Variants in CNDP1 observed in about 807,000 individuals in gnomAD.
The protein encoded by CNDP1 is beta-Ala-His dipeptidase.
Under a neutral mutation model 58.1 loss-of-function variants are expected in CNDP1, and 44 were observed. The observed-to-expected ratio is 0.76, with a 90% CI of 0.60 to 0.97. CNDP1 has a LOEUF of 0.97. CNDP1 is among the 50% of genes least tolerant of loss of function. CNDP1 has a pLI of 0.00. For synonymous variants in CNDP1, 254 were observed against 252.6 expected (o/e 1.01, Z -0.05); for missense variants, 616 against 655.1 (o/e 0.94, Z 0.65).
chr18:74,567,026 G>C, intron 5 of CNDP1: 3 of 571,692 alleles, frequency 5.2e-6, no homozygotes, highest in Non-Finnish European at 6.2e-6. Flanking sequence ...GCAAACCCCT[G>C]ATAAACCCAT....
chr18:74,572,126 G>A (rs1338756534), intron 7 of CNDP1, among the ~76,000 whole-genome samples: 3 of 152,074 alleles, frequency 2.0e-5, no homozygotes, highest in Non-Finnish European at 2.9e-5. Context: ...CTGTGGCCCC[G>A]AGTGGCACAG....
At chr18:74,556,639 G>A (rs1042335189) in intron 2 of CNDP1, among the ~76,000 whole-genome samples, 173 bp downstream of exon 2, 18 of 152,134 alleles carry the variant, frequency 1.2e-4, no homozygotes, top group African/African-American at 2.2e-4. Flanking sequence ...ACAGATGGAC[G>A]AGATCCCTCC....
In CNDP1 at chr18:74,585,111, C is replaced by T. The variant is rs538001917; in HGVS notation, c.*549C>T. On this transcript the variant is annotated 3_prime_UTR_variant, in exon 12 of 12. Transcript: ENST00000358821. ...TTGCCTCCCCTTCATTTATTTTTTC[C>T]CACTTCTTGAAAAGTTCCGAAGCTG... 2 of 152,458 alleles carry T rather than the reference C, an allele frequency of 1.3e-5. No homozygotes were observed. The highest frequency in any genetic ancestry group is 6.5e-5 in the Admixed American group (1 of 15,314). 9.4% of individuals were successfully genotyped at this position (152,458 alleles called of 1,614,324 possible).
At chr18:74,583,861 T>G (rs757791635) in intron 11 of CNDP1, 153 bp downstream of exon 11, 235 of 758,774 alleles carry the variant, frequency 3.1e-4, no homozygotes, top group Non-Finnish European at 2.9e-4. Context: ...CTCACAGTTC[T>G]GGAGCCTGGA....
At chr18:74,561,701 A>C in intron 4 of CNDP1, 1 of 211,446 alleles carries the variant, frequency 4.7e-6, no homozygotes, top group Non-Finnish European at 9.8e-6. Context: ...ATGAGAGGCT[A>C]TGCCACGTGG....
At position 74,578,970 on chromosome 18, in the gene CNDP1, A is replaced by G. The variant is rs1981704752; in HGVS notation, c.1167+643A>G. ...TAGTTTAACAGAAAGTAGACTCTTG[A>G]ATGAATGAGCTAAAGAAATATTTCA... On this transcript the variant is annotated intron_variant, in intron 9 of 11. Transcript: ENST00000358821. Among the ~76,000 whole-genome samples the G allele has an allele frequency of 2.6e-5, 4 of 152,184 alleles. No individual in the cohort carries two copies. The South Asian group carries it at 8.3e-4, about 32-fold the overall frequency.
rs766752633 is a variant in CNDP1 at position 74,560,913 on chromosome 18, G to A, written c.361G>A (p.Asp121Asn). The stretch of plus-strand genomic sequence containing the variant: ...CGTCATCCTGGCCGAACTGGGGAGC[G>A]ATCCCACGAAAGGCACCGTGTGCTT... ...PPVILAELGS[D>N]PTKGTVCFYG... Residue 121 changes from aspartate (D) to asparagine (N), a missense_variant, in exon 4 of 12, where the codon GAT becomes AAT. Transcript: ENST00000358821. 5.6e-6 allele frequency: 9 copies of A among 1,614,126 alleles called. No homozygotes were observed. Among genetic ancestry groups the A allele is most frequent in the Middle Eastern group, 3.3e-4 (2 of 6,062 alleles).
At chr18:74,579,765 G>T (rs986664653) in intron 9 of CNDP1, among the ~76,000 whole-genome samples, 2 of 152,206 alleles carry the variant, frequency 1.3e-5, no homozygotes, top group African/African-American at 2.4e-5. Flanking sequence ...CAAAAGAGAA[G>T]TCCTGCTGTG....
At chr18:74,581,798 C>G (rs1034539992) in intron 10 of CNDP1, among the ~76,000 whole-genome samples, 5 of 152,298 alleles carry the variant, frequency 3.3e-5, no homozygotes, top group African/African-American at 7.2e-5. Context: ...AATGGGGGCT[C>G]TTCCCAAAGC....
intron 7 of CNDP1, among the ~76,000 whole-genome samples, chr18:74,572,108 C>T (rs1981493378): frequency 6.6e-6 from 1 of 152,114 alleles, no homozygotes; most frequent in African/African-American, 2.4e-5. Context: ...CTTCATTTTT[C>T]AAGGTTGCTG....
At chr18:74,580,318 G>A in intron 10 of CNDP1, 47 bp downstream of exon 10, 1 of 1,599,064 alleles carries the variant, frequency 6.3e-7, no homozygotes, top group Non-Finnish European at 8.6e-7. Flanking sequence ...CTGGGACTCA[G>A]GGGTGGTACC....
intron 10 of CNDP1, among the ~76,000 whole-genome samples, chr18:74,581,232 G>GTGTGTGTT (rs1195331668): frequency 1.5e-5 from 2 of 129,604 alleles, no homozygotes; most frequent in African/African-American, 5.7e-5. Flanking sequence ...GTGTGTGTGT[G>GTGTGTGTT]TGTGTGTGTG....
chr18:74,554,979 C>T (rs1980999280), intron 1 of CNDP1, among the ~76,000 whole-genome samples: 1 of 152,020 alleles, frequency 6.6e-6, no homozygotes, highest in African/African-American at 2.4e-5. Flanking sequence ...GATGAGCGTC[C>T]TCTCAAGGAT....
At chr18:74,547,292 G>C (rs1980785097) in intron 1 of CNDP1, among the ~76,000 whole-genome samples, 1 of 152,212 alleles carries the variant, frequency 6.6e-6, no homozygotes, top group Admixed American at 6.5e-5. Flanking sequence ...GAGGGCAATA[G>C]AATTCTCGGC....
intron 7 of CNDP1, among the ~76,000 whole-genome samples, chr18:74,572,810 AAG>A (rs1483467951): frequency 0.077 from 9,857 of 127,764 alleles, 351 homozygotes; most frequent in African/African-American, 0.1. Context: ...AAAAAAAAAA[AAG>A]AAAGAAAGAA....
At chr18:74,543,945 G>A (rs77753061) in intron 1 of CNDP1, among the ~76,000 whole-genome samples, 4,521 of 151,980 alleles carry the variant, frequency 0.03, 227 homozygotes, top group African/African-American at 0.1. Context: ...ATCAGTCCAC[G>A]TATGGTGGCT....
In CNDP1 at chr18:74,569,056, C is replaced by T. The variant is rs192083130; in HGVS notation, c.756+1623C>T. Among the ~76,000 whole-genome samples the T allele has an allele frequency of 4.8e-3, 737 of 152,232 alleles. 2 individuals carry two copies. Among genetic ancestry groups the T allele is most frequent in the Non-Finnish European group, 7.9e-3 (535 of 68,030 alleles). ...GGGACATCTTGGAAGGGTCAAGGGA[C>T]TGACGTCTTAATGAAGACCGAGAAC... On this transcript the variant is annotated intron_variant, in intron 6 of 11. Coordinates refer to ENST00000358821, the MANE Select transcript of CNDP1 (RefSeq NM_032649.6).
intron 9 of CNDP1, among the ~76,000 whole-genome samples, chr18:74,578,988 A>G (rs564073672): frequency 1.2e-4 from 19 of 152,276 alleles, no homozygotes; most frequent in Non-Finnish European, 2.6e-4. Context: ...AGCTAAAGAA[A>G]TATTTCATCC....
At chr18:74,575,831 A>ATGTGTGTGTG (rs386388202) in intron 7 of CNDP1, among the ~76,000 whole-genome samples, 73 of 94,262 alleles carry the variant, frequency 7.7e-4, no homozygotes, top group Admixed American at 7.4e-4. Flanking sequence ...GTGTGTATAC[A>ATGTGTGTGTG]TGTGTGTGTG....
Sources: allele counts gnomAD v4.1 joint callset (sites outside exome capture counted in the v4.1 genomes callset), GRCh38; gene constraint gnomAD v4.1.1; transcripts MANE v1.5; gene names NCBI Gene and HGNC (gene_info 2026-07-23, HGNC 2026-07-21).